Variants in PCSK2 observed in about 807,000 individuals in gnomAD.
The protein encoded by PCSK2 is neuroendocrine convertase 2.
A neutral mutation model predicts 69.7 loss-of-function variants in PCSK2; 14 were observed. The observed-to-expected ratio is 0.20, with a 90% CI of 0.13 to 0.31. The LOEUF is 0.31. Among genes scored for constraint, PCSK2 ranks in the 10% least tolerant of loss-of-function variants. PCSK2 has a pLI of 1.00. For synonymous variants in PCSK2, 307 were observed against 320.7 expected (o/e 0.96, Z 0.46); for missense variants, 544 against 842.5 (o/e 0.65, Z 4.39).
intron 6 of PCSK2, among the ~76,000 whole-genome samples, chr20:17,414,735 AAG>A (rs2031959710): frequency 6.6e-6 from 1 of 152,202 alleles, no homozygotes; most frequent in African/African-American, 2.4e-5. Flanking sequence ...ACAACAAAAA[AAG>A]AGAATTTTAG....
At chr20:17,287,427 G>GTATC (rs1555785114) in intron 2 of PCSK2, among the ~76,000 whole-genome samples, 7 of 123,690 alleles carry the variant, frequency 5.7e-5, no homozygotes, top group African/African-American at 2.0e-4. Context: ...CAGCATGTGC[G>GTATC]TGTCTGTGTG....
chr20:17,227,374 A>G lies in PCSK2; in HGVS notation c.69A>G (p.Ala23=), dbSNP rs1308520441. Residue 23 remains alanine, a synonymous_variant, in exon 1 of 12, where the codon GCA becomes GCG. Coordinates refer to ENST00000262545, the MANE Select transcript of PCSK2 (RefSeq NM_002594.5). ...AGFLFCVMVF[A]SAERPVFTNH... ...TCCTCTTCTGTGTCATGGTTTTTGC[A>G]TCTGCTGAGCGACCGGTCTTCACGA... The G allele has an allele frequency of 1.9e-6, 3 of 1,613,938 alleles. No individual in the cohort carries two copies. The highest frequency in any genetic ancestry group is 1.7e-5 in the Admixed American group (1 of 60,010).
chr20:17,395,135 C>T (rs771301695), intron 5 of PCSK2, among the ~76,000 whole-genome samples: 1 of 152,128 alleles, frequency 6.6e-6, no homozygotes, highest in African/African-American at 2.4e-5. Flanking sequence ...CTCCCAAGGT[C>T]ACGACACTCT....
At chr20:17,279,428 TATTTG>T (rs1226984955) in intron 2 of PCSK2, among the ~76,000 whole-genome samples, 1 of 152,220 alleles carries the variant, frequency 6.6e-6, no homozygotes, top group African/African-American at 2.4e-5. Flanking sequence ...TCGTTTCTCT[TATTTG>T]ATTTTTTTGT....
At chr20:17,289,661 T>C (rs1341906190) in intron 2 of PCSK2, among the ~76,000 whole-genome samples, 1 of 152,178 alleles carries the variant, frequency 6.6e-6, no homozygotes, top group African/African-American at 2.4e-5. Flanking sequence ...AAGCTAAACA[T>C]CACTTAACTT....
At chr20:17,407,154 C>T (rs2031770206) in intron 5 of PCSK2, among the ~76,000 whole-genome samples, 1 of 152,162 alleles carries the variant, frequency 6.6e-6, no homozygotes, top group Admixed American at 6.5e-5. Flanking sequence ...AGCTCAGATG[C>T]CTCACAGGGG....
chr20:17,356,672 GAA>G (rs2030207608), intron 2 of PCSK2, among the ~76,000 whole-genome samples: 1 of 152,220 alleles, frequency 6.6e-6, no homozygotes, highest in South Asian at 2.1e-4. Flanking sequence ...CAACCAGAGA[GAA>G]GTTGTCAGGA....
At chr20:17,442,929 G>T (rs1179977691) in intron 8 of PCSK2, among the ~76,000 whole-genome samples, 2 of 152,028 alleles carry the variant, frequency 1.3e-5, no homozygotes, top group East Asian at 1.9e-4. Flanking sequence ...GAGTCTGGAA[G>T]TTCCCTTTGC....
chr20:17,421,445 A>G (rs1490701959), intron 6 of PCSK2, among the ~76,000 whole-genome samples: 1 of 152,184 alleles, frequency 6.6e-6, no homozygotes, highest in Non-Finnish European at 1.5e-5. Context: ...ATTGGACATT[A>G]GCCAGCAAAC....
intron 2 of PCSK2, among the ~76,000 whole-genome samples, chr20:17,265,970 T>G (rs902933181): frequency 6.6e-6 from 1 of 152,170 alleles, no homozygotes; most frequent in Admixed American, 6.5e-5. Context: ...CTGATTTAAA[T>G]AAAAAACTAA....
At chr20:17,233,058 G>A (rs972318221) in intron 1 of PCSK2, among the ~76,000 whole-genome samples, 4 of 152,186 alleles carry the variant, frequency 2.6e-5, no homozygotes, top group South Asian at 2.1e-4. Context: ...ATGTATAATC[G>A]ATTCCTTTCC....
chr20:17,472,810 GCCT>G (rs946414166), intron 11 of PCSK2, among the ~76,000 whole-genome samples: 2 of 152,080 alleles, frequency 1.3e-5, no homozygotes, highest in African/African-American at 2.4e-5. Context: ...CAGGTGATCC[GCCT>G]GCCTTGGCCT....
intron 2 of PCSK2, among the ~76,000 whole-genome samples, chr20:17,312,780 C>G (rs1343066403): frequency 6.6e-6 from 1 of 152,002 alleles, no homozygotes; most frequent in Non-Finnish European, 1.5e-5. Context: ...GTATGGCCAC[C>G]AAGTTAGCCC....
chr20:17,388,145 C>T (rs572290198), intron 5 of PCSK2, among the ~76,000 whole-genome samples: 35 of 151,666 alleles, frequency 2.3e-4, no homozygotes, highest in Middle Eastern at 3.4e-3. Context: ...TATATCAGTA[C>T]GGGAAGGAAA....
chr20:17,325,726 T>C (rs2081359352), intron 2 of PCSK2, among the ~76,000 whole-genome samples: 1 of 152,258 alleles, frequency 6.6e-6, no homozygotes, highest in African/African-American at 2.4e-5. Context: ...CTCATCTTTC[T>C]TAACTACTAA....
chr20:17,271,084 C>T (rs1289123303), intron 2 of PCSK2, among the ~76,000 whole-genome samples: 1 of 152,108 alleles, frequency 6.6e-6, no homozygotes, highest in Non-Finnish European at 1.5e-5. Context: ...CCTTCCTTTA[C>T]ATGTCTTTCT....
At chr20:17,407,400 C>T in intron 5 of PCSK2, among the ~76,000 whole-genome samples, 1 of 152,106 alleles carries the variant, frequency 6.6e-6, no homozygotes, top group East Asian at 1.9e-4. Flanking sequence ...TCCAAATCTA[C>T]TGCTTAAGTT....
chr20:17,380,046 G>A (rs1276507715), intron 5 of PCSK2, among the ~76,000 whole-genome samples: 9 of 152,180 alleles, frequency 5.9e-5, no homozygotes, highest in Admixed American at 4.6e-4. Flanking sequence ...CTTGAAAGAG[G>A]ACCCCAAGCC....
At chr20:17,266,300 T>G (rs1987598490) in intron 2 of PCSK2, among the ~76,000 whole-genome samples, 1 of 152,170 alleles carries the variant, frequency 6.6e-6, no homozygotes, top group South Asian at 2.1e-4. Context: ...ATTTCACCTT[T>G]CTGGGGGTGA....
Sources: allele counts gnomAD v4.1 joint callset (sites outside exome capture counted in the v4.1 genomes callset), GRCh38; gene constraint gnomAD v4.1.1; transcripts MANE v1.5; gene names NCBI Gene and HGNC (gene_info 2026-07-23, HGNC 2026-07-21).